The following TTN variants were observed in gnomAD, a reference collection of about 807,000 sequenced individuals.
TTN encodes connectin.
A neutral mutation model predicts 3,223.0 loss-of-function variants in TTN; 1,525 were observed. The observed-to-expected ratio is 0.47, with a 90% confidence interval of 0.45 to 0.49. The LOEUF is 0.49. Ranked by LOEUF, TTN falls within the 20% of genes least tolerant of loss-of-function variation. The pLI is 0.00. For missense variants in TTN, 40,786 were observed against 43,424.0 expected (o/e 0.94, Z 5.40); for synonymous variants, 14,094 against 15,161.0 (o/e 0.93, Z 5.17).
At chr2:178,556,712 G>T in intron 330 of TTN, 136 bp downstream of exon 330, 1 of 1,024,972 alleles carries the variant, frequency 9.8e-7, no homozygotes, top group Non-Finnish European at 1.4e-6. Context: ...CAGACTCCCA[G>T]CTAGTCCATA....
In TTN at chr2:178,617,380, C is replaced by A; in HGVS notation, c.47705G>T (p.Gly15902Val). The change falls in exon 254 of 363, where the codon GGA becomes GTA. Residue 15902 changes from glycine to valine, a missense_variant. Coordinates refer to ENST00000589042, the MANE Select transcript of TTN (RefSeq NM_001267550.2). ...LGYIIERCEE[G>V]KDNWIRCNMK... ...ATTGCAACGAATCCAATTATCTTTT[C>A]CTTCTTCGCATCGCTCAATTATATA... 1 of 1,587,440 alleles carries A rather than the reference C, an allele frequency of 6.3e-7. No homozygotes were observed. The highest frequency in any genetic ancestry group is 8.5e-7 in the Non-Finnish European group (1 of 1,170,032).
At position 178,551,099 on chromosome 2, in the gene TTN, C is replaced by A; in HGVS notation, c.91432G>T (p.Glu30478Ter). The stretch of plus-strand genomic sequence containing the variant: ...AGTCCTGTAACTGTGTACTGACATT[C>A]ACTGACGTCAGTAAAGTTGCATCTC... ...WVRCNFTDVS[E>*]CQYTVTGLSP... The change falls in exon 336 of 363, where the codon GAA (glutamate) becomes TAA (stop). Residue 30478 changes from glutamate to a stop codon, truncating the protein, a stop_gained. Transcript: ENST00000589042. LOFTEE classifies it high-confidence loss of function. 1.2e-6 allele frequency: 2 copies of A among 1,613,428 alleles called. No homozygotes were observed. The highest frequency in any genetic ancestry group is 8.5e-7 in the Non-Finnish European group (1 of 1,179,630).
At chr2:178,665,265 G>T in intron 165 of TTN, 112 bp downstream of exon 165, 3 of 1,067,380 alleles carry the variant, frequency 2.8e-6, no homozygotes, top group Admixed American at 2.2e-5. Flanking sequence ...ACACTTAAAA[G>T]ATATTAGTAT....
chr2:178,625,659 G>A (rs2154215973), intron 240 of TTN, among the ~76,000 whole-genome samples: 1 of 151,980 alleles, frequency 6.6e-6, no homozygotes, highest in East Asian at 1.9e-4. Context: ...TGCCATGCTG[G>A]TGCCCTGCAC....
At position 178,572,312 on chromosome 2, in the gene TTN, G is replaced by A. The variant is rs1286853195; in HGVS notation, c.73820C>T (p.Thr24607Ile). Residue 24607 changes from threonine (T) to isoleucine (I), a missense_variant, in exon 326 of 363, where the codon ACC becomes ATC. Transcript: ENST00000589042. ...TTCTGATGCTTTCACAGATTCTGCG[G>A]TTTCAGCAGGCAGCCCAATGCCATA... ...NEYGIGLPAETAESVKASERP... is the reference protein window; with the variant it reads ...NEYGIGLPAEIAESVKASERP... 1.2e-6 allele frequency: 2 copies of A among 1,611,380 alleles called. No homozygotes were observed. The highest frequency in any genetic ancestry group is 1.7e-6 in the Non-Finnish European group (2 of 1,177,950).
intron 306 of TTN, 30 bp from the exon 307 acceptor site, chr2:178,587,447 T>C (rs765688779): frequency 1.2e-6 from 2 of 1,603,190 alleles, no homozygotes; most frequent in Non-Finnish European, 1.7e-6. Context: ...CAGATATACA[T>C]GTCTCCTCAG....
Position 178,612,435 on chromosome 2 carries a change from C to G in TTN, c.50090G>C (p.Gly16697Ala). Reference sequence around the variant, plus strand: ...GACAGTGGTATCCACTGTTTGCCAGCCTTTTCGCCTGACGTCTCTCTTTTC... The same window carrying G: ...GACAGTGGTATCCACTGTTTGCCAGGCTTTTCGCCTGACGTCTCTCTTTTC... ...IVEKRDVRRK[G>A]WQTVDTTVKD... Residue 16697 changes from glycine to alanine, a missense_variant, in exon 266 of 363, where the codon GGC becomes GCC. By Grantham distance (60) the Gly-to-Ala change is moderately conservative. Transcript: ENST00000589042. The G allele has an allele frequency of 6.2e-7, 1 of 1,612,508 alleles. No homozygotes were observed. The highest frequency in any genetic ancestry group is 1.3e-5 in the African/African-American group (1 of 74,928).
At chr2:178,649,099 G>C in intron 213 of TTN, 149 bp downstream of exon 213, 1 of 612,568 alleles carries the variant, frequency 1.6e-6, no homozygotes, top group Non-Finnish European at 2.6e-6. Flanking sequence ...CTGCTTGTCT[G>C]TTTCATTTTT....
Position 178,795,233 on chromosome 2 carries a change from T to C in TTN, c.934A>G (p.Arg312Gly). Residue 312 changes from arginine to glycine, a missense_variant, in exon 7 of 363, where the codon AGA becomes GGA. Arg to Gly is a moderately radical substitution (Grantham distance 125). Coordinates refer to ENST00000589042, the MANE Select transcript of TTN (RefSeq NM_001267550.2). The part of the protein sequence containing the change: ...SPVRSVSPAA[R>G]ISTSPIRSVR... ...GACCTGATGGGGGATGTGGAGATTC[T>C]TGCTGCTGGAGACACGGACCTGAAA... 6.2e-7 allele frequency: 1 copy of C among 1,614,124 alleles called. No homozygotes were observed. The highest frequency in any genetic ancestry group is 8.5e-7 in the Non-Finnish European group (1 of 1,180,014).
intron 210 of TTN, 132 bp from the exon 211 acceptor site, chr2:178,650,026 G>A (rs2062683001): frequency 2.3e-6 from 3 of 1,296,890 alleles, no homozygotes; most frequent in East Asian, 2.4e-5. Context: ...AGTTTTATGT[G>A]TAGAAATAAC....
Position 178,532,050 on chromosome 2 carries a change from A to C in TTN, c.104565T>G (p.Ser34855=). The C allele has an allele frequency of 6.2e-7, 1 of 1,613,908 alleles. No individual in the cohort carries two copies. Among genetic ancestry groups the C allele is most frequent in the Non-Finnish European group, 8.5e-7 (1 of 1,179,858 alleles). ...PTYIELMRPV[S]ELIRSRPQPA... is the part of the protein sequence containing the mutation. ...GTTGTGGACGTGACCGGATCAGCTC[A>C]GACACTGGCCTCATTAACTCAATAT... Residue 34855 remains serine (S), a synonymous_variant, in exon 358 of 363, where the codon TCT becomes TCG. Coordinates refer to ENST00000589042, the MANE Select transcript of TTN (RefSeq NM_001267550.2).
chr2:178,583,973 A>G (rs1241587858), intron 311 of TTN, 67 bp from the exon 312 acceptor site: 2 of 1,406,594 alleles, frequency 1.4e-6, no homozygotes, highest in South Asian at 1.6e-5. Flanking sequence ...CATATTTCAC[A>G]TTATCATCCC....
At position 178,704,471 on chromosome 2, in the gene TTN, T is replaced by A. The variant is rs373071242; in HGVS notation, c.29962+39A>T. ...CACGCAGATGTGCTCAACAGTAATT[T>A]AAATCTCACAAGTATTTCATAAGCC... On this transcript the variant is annotated intron_variant, in intron 105 of 362. Transcript: ENST00000589042. The A allele has an allele frequency of 1.7e-5, 27 of 1,597,736 alleles. No individual in the cohort carries two copies. In the African/African-American group the frequency reaches 2.8e-4, roughly 17 times the overall value.
At chr2:178,617,565 GA>G (rs1365174809) in intron 253 of TTN, 53 bp from the exon 254 acceptor site, 36 of 1,500,420 alleles carry the variant, frequency 2.4e-5, no homozygotes, top group Non-Finnish European at 3.1e-5. Context: ...GACAATTTAT[GA>G]AAACAGTGTT....
chr2:178,543,425 T>C lies in TTN; in HGVS notation c.96548A>G (p.Asn32183Ser). 2 of 1,613,794 alleles carry C rather than the reference T, an allele frequency of 1.2e-6. No individual in the cohort carries two copies. Among genetic ancestry groups the C allele is most frequent in the Non-Finnish European group, 1.7e-6 (2 of 1,179,758 alleles). ...TMYYFRVLPE[N>S]IYGIGEPCET... ...ACAAGGTTCTCCAATGCCATAAATA[T>C]TTTCTGGCAGCACTCTGAAATAGTA... The change falls in exon 347 of 363, where the codon AAT becomes AGT. Residue 32183 changes from asparagine (N) to serine (S), a missense_variant. Transcript: ENST00000589042.
intron 11 of TTN, among the ~76,000 whole-genome samples, chr2:178,790,429 A>T (rs956881113): frequency 1.3e-5 from 2 of 152,192 alleles, no homozygotes; most frequent in African/African-American, 4.8e-5. Context: ...ATAGCACATA[A>T]TTTTTTGTAT....
Position 178,774,959 on chromosome 2 carries a change from T to A in TTN, c.6752A>T (p.Asp2251Val). The A allele has an allele frequency of 6.2e-7, 1 of 1,613,902 alleles. No individual in the cohort carries two copies. The highest frequency in any genetic ancestry group is 8.5e-7 in the Non-Finnish European group (1 of 1,179,884). The stretch of plus-strand genomic sequence containing the variant: ...TTTAGCAGTCGTTTTGACATTTTCA[T>A]CTTCCACAAGTACACAGCTGTAATC... The part of the protein sequence containing the change: ...AEDYSCVLVE[D>V]ENVKTTAKLI... The change falls in exon 29 of 363, where the codon GAT becomes GTT. Residue 2251 changes from aspartate to valine, a missense_variant. Transcript: ENST00000589042.
chr2:178,735,445 A>G (rs1320334142), intron 50 of TTN, 66 bp downstream of exon 50: 2 of 1,422,704 alleles, frequency 1.4e-6, no homozygotes, highest in African/African-American at 2.9e-5. Context: ...ATTGTTTGCC[A>G]ACAGTTTTTC....
intron 313 of TTN, 39 bp from the exon 314 acceptor site, chr2:178,582,631 G>A: frequency 3.2e-6 from 5 of 1,563,028 alleles, no homozygotes; most frequent in Admixed American, 1.8e-5. Flanking sequence ...TGTGGAATGG[G>A]GAATGAGTAT....
Sources: allele counts gnomAD v4.1 joint callset (sites outside exome capture counted in the v4.1 genomes callset), GRCh38; gene constraint gnomAD v4.1.1; transcripts MANE v1.5; gene names NCBI Gene and HGNC (gene_info 2026-07-23, HGNC 2026-07-21).